NEK5: variants seen among roughly 807,000 people sequenced by gnomAD.
NEK5 encodes NIMA related kinase 5.
In NEK5, 88 loss-of-function variants were observed where a neutral mutation model predicts 109.2. The observed-to-expected ratio is 0.81, with a 90% CI of 0.68 to 0.96. The LOEUF (loss-of-function observed/expected upper bound fraction) is 0.96. Ranked by LOEUF, NEK5 falls within the 40% of genes least tolerant of loss-of-function variation. The pLI is 0.00. For synonymous variants in NEK5, 283 were observed against 299.9 expected (o/e 0.94, Z 0.58); for missense variants, 834 against 920.7 (o/e 0.91, Z 1.22).
chr13:52,080,791 G>C (rs1015147839), intron 17 of NEK5, among the ~76,000 whole-genome samples: 1 of 151,556 alleles, frequency 6.6e-6, no homozygotes, highest in Non-Finnish European at 1.5e-5. Context: ...GAAAACCAGA[G>C]ACCTTTGTTC....
rs946440809 is a variant in NEK5 at position 52,054,380 on chromosome 13, G to C, written c.2111-4159C>G. 3.9e-5 allele frequency among the ~76,000 whole-genome samples: 6 copies of C among 152,212 alleles called. No individual in the cohort carries two copies. The South Asian group carries it at 1.0e-3, about 26-fold the overall frequency. Reference sequence around the variant, plus strand: ...CTGTCACACTAACTGGAGTGCAGCAGCACAATCATGGCTCATGGCAGCCTC... The same window carrying C: ...CTGTCACACTAACTGGAGTGCAGCACCACAATCATGGCTCATGGCAGCCTC... On this transcript the variant is annotated intron_variant, in intron 22 of 23. Coordinates refer to ENST00000684899, the MANE Select transcript of NEK5 (RefSeq NM_001365552.1).
At chr13:52,102,817 GT>G (rs1955568759) in intron 9 of NEK5, among the ~76,000 whole-genome samples, 1 of 55,848 alleles carries the variant, frequency 1.8e-5, no homozygotes, top group Non-Finnish European at 6.9e-5. Flanking sequence ...TTTTTATTTT[GT>G]TTTAATTCTG....
At chr13:52,103,430 C>G (rs1305351478) in intron 9 of NEK5, among the ~76,000 whole-genome samples, 3 of 152,002 alleles carry the variant, frequency 2.0e-5, no homozygotes, top group African/African-American at 7.2e-5. Context: ...GACTCCATCT[C>G]AAAAAAACAA....
At chr13:52,121,784 A>T (rs1955975115) in intron 3 of NEK5, among the ~76,000 whole-genome samples, 1 of 152,234 alleles carries the variant, frequency 6.6e-6, no homozygotes, top group Non-Finnish European at 1.5e-5. Context: ...ATGCATATAT[A>T]GGCAAGCATA....
At chr13:52,041,229 A>AT (rs913416714) in intron 23 of NEK5, among the ~76,000 whole-genome samples, 2 of 152,222 alleles carry the variant, frequency 1.3e-5, no homozygotes, top group African/African-American at 4.8e-5. Flanking sequence ...AGATGAAATT[A>AT]TTTTTTATGG....
intron 14 of NEK5, among the ~76,000 whole-genome samples, chr13:52,088,852 A>G (rs1955211430): frequency 6.6e-6 from 1 of 151,650 alleles, no homozygotes; most frequent in African/African-American, 2.4e-5. Context: ...GCACTTTGGG[A>G]GGCCTAGGTG....
At chr13:52,060,057 T>G (rs1954598274) in intron 22 of NEK5, among the ~76,000 whole-genome samples, 1 of 152,242 alleles carries the variant, frequency 6.6e-6, no homozygotes, top group South Asian at 2.1e-4. Flanking sequence ...CTTTTTCTCC[T>G]CAAGTTTTGC....
chr13:52,090,191 T>G (rs1955249185), intron 13 of NEK5, among the ~76,000 whole-genome samples: 1 of 152,166 alleles, frequency 6.6e-6, no homozygotes, highest in Admixed American at 6.6e-5. Context: ...AATTTTCAAG[T>G]TTATACTCAC....
Position 52,110,387 on chromosome 13 carries a change from T to G in NEK5, c.420A>C (p.Gly140=). ...CAAAGTCCCCAAGCTTTGCCACCATTCCGTTCTTGCTAAGAAAAATGTTCT... is the reference window on the plus strand; with the variant it reads ...CAAAGTCCCCAAGCTTTGCCACCATGCCGTTCTTGCTAAGAAAAATGTTCT... ...KAQNIFLSKN[G]MVAKLGDFGI... is the part of the protein sequence containing the mutation. The change falls in exon 7 of 24, where the codon GGA becomes GGC. Residue 140 remains glycine, a synonymous_variant. Transcript: ENST00000684899. 1 of 1,613,370 alleles carries G rather than the reference T, an allele frequency of 6.2e-7. No individual in the cohort carries two copies. The highest frequency in any genetic ancestry group is 8.5e-7 in the Non-Finnish European group (1 of 1,179,352).
In NEK5 at chr13:52,041,222, T is replaced by A. The variant is rs575847361; in HGVS notation, c.2229-4004A>T. On this transcript the variant is annotated intron_variant, in intron 23 of 23. Coordinates refer to ENST00000684899, the MANE Select transcript of NEK5 (RefSeq NM_001365552.1). ...AATTGGACCATGAACTAACTCCAGA[T>A]GAAATTATTTTTTATGGAGGATTTT... 1.2e-3 allele frequency among the ~76,000 whole-genome samples: 182 copies of A among 152,276 alleles called. 3 individuals carry two copies. The highest frequency in any genetic ancestry group is 2.6e-4 in the Non-Finnish European group (18 of 68,014).
chr13:52,081,230 C>G (rs180946390), intron 17 of NEK5, among the ~76,000 whole-genome samples: 92 of 152,256 alleles, frequency 6.0e-4, no homozygotes, highest in Admixed American at 1.3e-3. Flanking sequence ...TGCATATTCC[C>G]TTCAAAAAAG....
In NEK5 at chr13:52,087,453, C is replaced by T. The variant is rs770857581; in HGVS notation, c.1277G>A (p.Gly426Asp). The change falls in exon 15 of 24, where the codon GGT becomes GAT. Residue 426 changes from glycine to aspartate, a missense_variant and splice_region_variant. Transcript: ENST00000684899. Reference sequence around the variant, plus strand: ...TGGCTCGGCAGAAGATGGACGAAGACCCTATTTATTGAATGAAATAATTTA... The same window carrying T: ...TGGCTCGGCAGAAGATGGACGAAGATCCTATTTATTGAATGAAATAATTTA... ...QYKLKVEKQLGLRPSSAEPNY... is the reference protein window; with the variant it reads ...QYKLKVEKQLDLRPSSAEPNY... 26 of 1,518,648 alleles carry T rather than the reference C, an allele frequency of 1.7e-5. No homozygotes were observed. The highest frequency in any genetic ancestry group is 2.3e-5 in the Non-Finnish European group (25 of 1,100,454). The allele number at this position is 1,518,648 out of a possible 1,614,324, so 94.1% of individuals were successfully genotyped here.
chr13:52,050,869 G>A (rs558587062), intron 22 of NEK5, among the ~76,000 whole-genome samples: 5 of 151,464 alleles, frequency 3.3e-5, no homozygotes, highest in Non-Finnish European at 5.9e-5. Context: ...ACAGGCACAT[G>A]CCACCACACC....
At chr13:52,063,690 G>C (rs894534233) in intron 21 of NEK5, among the ~76,000 whole-genome samples, 3 of 146,450 alleles carry the variant, frequency 2.0e-5, no homozygotes, top group Non-Finnish European at 4.5e-5. Flanking sequence ...CTGCCGCCCC[G>C]TCTGGGATGT....
intron 8 of NEK5, among the ~76,000 whole-genome samples, chr13:52,107,372 C>A (rs1955675388): frequency 6.6e-6 from 1 of 152,082 alleles, no homozygotes; most frequent in Non-Finnish European, 1.5e-5. Context: ...GCAGGCAGAT[C>A]GTGAGGTCAG....
intron 17 of NEK5, among the ~76,000 whole-genome samples, chr13:52,078,903 C>T (rs149440604): frequency 6.6e-6 from 1 of 152,302 alleles, no homozygotes; most frequent in African/African-American, 2.4e-5. Context: ...CCAGACTATC[C>T]AAGCAAATCA....
intron 4 of NEK5, among the ~76,000 whole-genome samples, chr13:52,115,205 G>C (rs770991962): frequency 1.3e-5 from 2 of 151,734 alleles, no homozygotes; most frequent in African/African-American, 4.8e-5. Flanking sequence ...AGTAGAGACA[G>C]GGTTTCACTG....
chr13:52,082,246 C>T lies in NEK5; in HGVS notation c.1572+1014G>A, dbSNP rs182816317. On this transcript the variant is annotated intron_variant, in intron 17 of 23. Transcript: ENST00000684899. ...AGGAGAATCGCTTGAACCTGGGAGG[C>T]GGAGGTTGCGGTGAGCCAAGATCGT... is the stretch of plus-strand genomic sequence containing the variant. 4.2e-3 allele frequency: 1,623 copies of T among 389,802 alleles called. 32 individuals carry two copies. The highest frequency in any genetic ancestry group is 0.032 in the Admixed American group (712 of 22,058). The allele number at this position is 389,802 out of a possible 1,614,324, so 24.1% of individuals were successfully genotyped here.
At chr13:52,040,823 T>G (rs1481134702) in intron 23 of NEK5, among the ~76,000 whole-genome samples, 1 of 152,166 alleles carries the variant, frequency 6.6e-6, no homozygotes, top group African/African-American at 2.4e-5. Flanking sequence ...TAGTGTTAAT[T>G]TCTCAACATA....
Sources: gnomAD v4.1 joint callset for allele counts (sites outside exome capture counted in the v4.1 genomes callset) on GRCh38, gnomAD v4.1.1 for gene constraint, MANE v1.5 for transcripts, NCBI Gene and HGNC (gene_info 2026-07-23, HGNC 2026-07-21) for gene names.